Variants in MRPL48 observed in about 807,000 individuals in gnomAD.
The protein encoded by MRPL48 is mitochondrial ribosomal protein L48.
MRPL48 carries 16 observed loss-of-function variants against 32.9 expected under a neutral mutation model. That is an observed-to-expected ratio of 0.49 (90% confidence interval 0.33 to 0.74). The LOEUF (loss-of-function observed/expected upper bound fraction) is 0.74, where lower values mean the gene tolerates loss of function less well. Among genes scored for constraint, MRPL48 ranks in the 30% least tolerant of loss-of-function variants. The pLI, the probability that MRPL48 is intolerant of heterozygous loss-of-function variation, is 0.02. For synonymous variants in MRPL48, 94 were observed against 89.2 expected (o/e 1.05, Z -0.31); for missense variants, 206 against 245.3 (o/e 0.84, Z 1.07).
At chr11:73,862,478 T>A (rs1948599698) in intron 6 of MRPL48, among the ~76,000 whole-genome samples, 2 of 151,710 alleles carry the variant, frequency 1.3e-5, no homozygotes, top group Non-Finnish European at 2.9e-5. Flanking sequence ...AGGCACCTGT[T>A]ATCTCAGCTG....
chr11:73,835,914 T>A (rs1166784383), intron 4 of MRPL48, among the ~76,000 whole-genome samples: 1 of 152,038 alleles, frequency 6.6e-6, no homozygotes, highest in Non-Finnish European at 1.5e-5. Context: ...ATAATAATTT[T>A]AAAATGCCAT....
At position 73,800,968 on chromosome 11, in the gene MRPL48, C is replaced by T. The variant is rs528860688; in HGVS notation, c.22-4059C>T. Among the ~76,000 whole-genome samples, 8 of 152,036 alleles carry T rather than the reference C, an allele frequency of 5.3e-5. No homozygotes were observed. The South Asian group carries it at 1.0e-3, about 20-fold the overall frequency. ...CTGGGATTACAGGCATGCGCCACCA[C>T]GCCCGGCTAATTTTGTATTTTTAGT... is the stretch of plus-strand genomic sequence containing the variant. On this transcript the variant is annotated intron_variant, in intron 1 of 7. Transcript: ENST00000310614.
intron 3 of MRPL48, among the ~76,000 whole-genome samples, chr11:73,814,696 G>GA (rs970186536): frequency 2.8e-4 from 40 of 140,584 alleles, no homozygotes; most frequent in Admixed American, 4.3e-4. Context: ...ACTGTCTCAA[G>GA]AAAAAAAAAA....
intron 1 of MRPL48, chr11:73,802,120 G>C (rs2134954997): frequency 6.6e-6 from 1 of 152,324 alleles, no homozygotes; most frequent in South Asian, 2.1e-4. Flanking sequence ...AGCAACGTCT[G>C]TAACTCTGCA....
At chr11:73,836,593 T>C (rs1948108797) in intron 4 of MRPL48, among the ~76,000 whole-genome samples, 2 of 152,198 alleles carry the variant, frequency 1.3e-5, no homozygotes, top group Non-Finnish European at 2.9e-5. Flanking sequence ...TAAACATATA[T>C]ATTATTTAAG....
At chr11:73,818,815 T>C (rs1265421752) in intron 3 of MRPL48, among the ~76,000 whole-genome samples, 1 of 152,236 alleles carries the variant, frequency 6.6e-6, no homozygotes, top group Non-Finnish European at 1.5e-5. Flanking sequence ...CTCAGTTTAA[T>C]GAACAAGAAC....
chr11:73,808,483 G>C, intron 3 of MRPL48, 133 bp downstream of exon 3: 8 of 835,690 alleles, frequency 9.6e-6, no homozygotes, highest in Non-Finnish European at 1.5e-5. Flanking sequence ...CCCTCCATGT[G>C]AGCATGGAAT....
At chr11:73,794,186 A>ATCTATCTATCTG (rs200050705) in intron 1 of MRPL48, among the ~76,000 whole-genome samples, 10,087 of 131,374 alleles carry the variant, frequency 0.077, 430 homozygotes, top group Non-Finnish European at 0.081. Flanking sequence ...GAGACCCTGT[A>ATCTATCTATCTG]TCTATCTATC....
At chr11:73,819,462 G>A (rs1033704920) in intron 3 of MRPL48, among the ~76,000 whole-genome samples, 2 of 152,044 alleles carry the variant, frequency 1.3e-5, no homozygotes, top group South Asian at 2.1e-4. Flanking sequence ...TACATAAAAC[G>A]TTTTATTATA....
chr11:73,814,473 T>A (rs1947622745), intron 3 of MRPL48, among the ~76,000 whole-genome samples: 1 of 151,902 alleles, frequency 6.6e-6, no homozygotes, highest in Admixed American at 6.6e-5. Flanking sequence ...GGCCAGTGGA[T>A]CACCTGAGGT....
intron 4 of MRPL48, among the ~76,000 whole-genome samples, chr11:73,830,058 G>A (rs1037496569): frequency 5.3e-5 from 8 of 152,106 alleles, no homozygotes; most frequent in Non-Finnish European, 7.4e-5. Flanking sequence ...CACCGTACCT[G>A]GCCTTAACCA....
intron 5 of MRPL48, among the ~76,000 whole-genome samples, chr11:73,845,403 T>C (rs953320991): frequency 2.6e-5 from 4 of 152,212 alleles, no homozygotes; most frequent in Non-Finnish European, 5.9e-5. Flanking sequence ...CTGTACAGTT[T>C]AGTGATATCA....
chr11:73,847,294 A>G (rs1394284435), intron 5 of MRPL48, among the ~76,000 whole-genome samples: 3 of 152,164 alleles, frequency 2.0e-5, no homozygotes, highest in African/African-American at 7.2e-5. Flanking sequence ...TCACTAATAA[A>G]TAATGATATT....
Position 73,829,814 on chromosome 11 carries a change from G to A in MRPL48, c.201+4018G>A, listed in dbSNP as rs551590751. 9.9e-5 allele frequency among the ~76,000 whole-genome samples: 15 copies of A among 152,268 alleles called. No homozygotes were observed. The South Asian group carries it at 2.3e-3, about 23-fold the overall frequency. ...GGTTCTCGCTCTGTCACCCAGGCTG[G>A]AATGCAGTGGTGCAATCTCAGCTCA... On this transcript the variant is annotated intron_variant, in intron 4 of 7. Coordinates refer to ENST00000310614, the MANE Select transcript of MRPL48 (RefSeq NM_016055.6).
In MRPL48 at chr11:73,859,990, C is replaced by A; in HGVS notation, c.455C>A (p.Thr152Asn). 1 of 1,613,600 alleles carries A rather than the reference C, an allele frequency of 6.2e-7. No individual in the cohort carries two copies. Among genetic ancestry groups the A allele is most frequent in the African/African-American group, 1.3e-5 (1 of 75,026 alleles). ...ATGCTCCTGGACTCAGTGCTTACCA[C>A]CCATGAGCGAGTGGTTCAGGTAGGC... Reference protein sequence around the residue: ...SKMLLDSVLTTHERVVQISGL... With the variant: ...SKMLLDSVLTNHERVVQISGL... The change falls in exon 6 of 8, where the codon ACC becomes AAC. Residue 152 changes from threonine to asparagine, a missense_variant. Physicochemically the swap from Thr to Asn is moderately conservative, Grantham distance 65 (BLOSUM62 0). Transcript: ENST00000310614.
chr11:73,792,564 A>G (rs1345833615), intron 1 of MRPL48, among the ~76,000 whole-genome samples: 1 of 152,226 alleles, frequency 6.6e-6, no homozygotes, highest in African/African-American at 2.4e-5. Flanking sequence ...CTCCAAATAC[A>G]TTCAATAGAC....
intron 3 of MRPL48, among the ~76,000 whole-genome samples, chr11:73,818,287 T>C (rs1296554219): frequency 6.6e-6 from 1 of 152,164 alleles, no homozygotes; most frequent in Non-Finnish European, 1.5e-5. Context: ...ATCTTTTTCT[T>C]ATTGATTTAA....
At chr11:73,805,372 C>T (rs1347457019) in intron 2 of MRPL48, among the ~76,000 whole-genome samples, 3 of 151,056 alleles carry the variant, frequency 2.0e-5, no homozygotes, top group Admixed American at 6.6e-5. Flanking sequence ...TCTTGGCTCA[C>T]TGCAACCTCT....
intron 3 of MRPL48, among the ~76,000 whole-genome samples, chr11:73,814,506 C>A (rs1007294079): frequency 2.7e-5 from 4 of 150,448 alleles, no homozygotes; most frequent in Non-Finnish European, 5.9e-5. Flanking sequence ...ACCAGCCTGG[C>A]CAATATGGTG....
Sources: allele counts gnomAD v4.1 joint callset (sites outside exome capture counted in the v4.1 genomes callset), GRCh38; gene constraint gnomAD v4.1.1; transcripts MANE v1.5; gene names NCBI Gene and HGNC (gene_info 2026-07-23, HGNC 2026-07-21).